HGF: variants seen among roughly 807,000 people sequenced by gnomAD.
The protein encoded by HGF is hepatocyte growth factor, also known as fibroblast-derived tumor cytotoxic factor.
Under a neutral mutation model 111.6 loss-of-function variants are expected in HGF, and 39 were observed. The ratio of observed to expected loss-of-function variants is 0.35; its 90% CI spans 0.27 to 0.46. The LOEUF (loss-of-function observed/expected upper bound fraction) is 0.46. HGF is among the 20% of genes least tolerant of loss of function. HGF has a pLI of 1.00. For missense variants in HGF, 735 were observed against 910.5 expected (o/e 0.81, Z 2.48); for synonymous variants, 285 against 294.8 (o/e 0.97, Z 0.34).
intron 14 of HGF, among the ~76,000 whole-genome samples, chr7:81,706,935 A>G (rs5745747): frequency 2.0e-5 from 3 of 151,792 alleles, no homozygotes; most frequent in African/African-American, 7.3e-5. Context: ...TACAGGAGAA[A>G]GAAGTAGTGA....
chr7:81,704,998 C>T (rs999559647), intron 17 of HGF, among the ~76,000 whole-genome samples: 3 of 151,786 alleles, frequency 2.0e-5, no homozygotes, highest in African/African-American at 7.2e-5. Flanking sequence ...TAAAGCCAGG[C>T]ATCTCTGAAT....
At chr7:81,749,485 G>A (rs1788405084) in intron 5 of HGF, among the ~76,000 whole-genome samples, 1 of 152,082 alleles carries the variant, frequency 6.6e-6, no homozygotes, top group Non-Finnish European at 1.5e-5. Context: ...TACATATTAT[G>A]TACGACATGA....
rs1402245957 is a variant in HGF at position 81,699,320 on chromosome 7, G to A, written c.*3261C>T. Reference sequence around the variant, plus strand: ...GGTCCAAAAAATTTTAACTTTTTTTGTATTAGTAAATTCTTAGCTCCAACC... The same window carrying A: ...GGTCCAAAAAATTTTAACTTTTTTTATATTAGTAAATTCTTAGCTCCAACC... On this transcript the variant is annotated 3_prime_UTR_variant, in exon 18 of 18. Coordinates refer to ENST00000222390, the MANE Select transcript of HGF (RefSeq NM_000601.6). The A allele has an allele frequency of 2.0e-5, 3 of 151,332 alleles. No individual in the cohort carries two copies. Among genetic ancestry groups the A allele is most frequent in the Non-Finnish European group, 4.4e-5 (3 of 67,576 alleles). 9.4% of individuals were successfully genotyped at this position (151,332 alleles called of 1,614,324 possible).
intron 7 of HGF, among the ~76,000 whole-genome samples, chr7:81,732,658 A>T (rs748318018): frequency 7.2e-5 from 11 of 152,174 alleles, no homozygotes; most frequent in Non-Finnish European, 1.5e-4. Flanking sequence ...AGTAAGGTAG[A>T]CATAGGTTAT....
At chr7:81,762,157 C>T (rs1789118721) in intron 2 of HGF, among the ~76,000 whole-genome samples, 1 of 152,176 alleles carries the variant, frequency 6.6e-6, no homozygotes, top group Admixed American at 6.5e-5. Flanking sequence ...CCTCATGCCT[C>T]TTTAAATTGC....
intron 4 of HGF, chr7:81,756,789 T>TGTTGAGATCCACCAAG (rs1172921289): frequency 4.5e-6 from 1 of 220,628 alleles, no homozygotes; most frequent in Non-Finnish European, 9.1e-6. Context: ...GTGCAACCAA[T>TGTTGAGATCCACCAAG]GTTGAGATCC....
intron 4 of HGF, among the ~76,000 whole-genome samples, chr7:81,754,911 T>C (rs192145723): frequency 3.6e-4 from 55 of 152,232 alleles, no homozygotes; most frequent in Admixed American, 2.7e-3. Context: ...TTTATTCATA[T>C]ATACACTATT....
At chr7:81,754,072 C>A (rs1043781838) in intron 4 of HGF, among the ~76,000 whole-genome samples, 1 of 151,880 alleles carries the variant, frequency 6.6e-6, no homozygotes, top group Non-Finnish European at 1.5e-5. Flanking sequence ...CTATAGCTCT[C>A]TTTTATGGAA....
At chr7:81,712,159 C>T (rs1261320750) in intron 11 of HGF, among the ~76,000 whole-genome samples, 2 of 152,034 alleles carry the variant, frequency 1.3e-5, no homozygotes, top group Admixed American at 1.3e-4. Flanking sequence ...GGAGCTGCCT[C>T]GATCCACCAA....
At chr7:81,767,380 T>C (rs1357364905) in intron 1 of HGF, among the ~76,000 whole-genome samples, 1 of 152,078 alleles carries the variant, frequency 6.6e-6, no homozygotes, top group African/African-American at 2.4e-5. Context: ...AGAAATAAGA[T>C]AACTGAGGTC....
chr7:81,737,356 C>A (rs6949814), intron 7 of HGF, among the ~76,000 whole-genome samples: 2 of 151,972 alleles, frequency 1.3e-5, no homozygotes, highest in African/African-American at 4.8e-5. Context: ...ATTGGAGTAG[C>A]TCATAGGTAA....
chr7:81,701,463 G>T lies in HGF; in HGVS notation c.*1118C>A, dbSNP rs1289348106. 1 of 151,432 alleles carries T rather than the reference G, an allele frequency of 6.6e-6. No individual in the cohort carries two copies. Among genetic ancestry groups the T allele is most frequent in the African/African-American group, 2.4e-5 (1 of 41,336 alleles). 9.4% of individuals were successfully genotyped at this position (151,432 alleles called of 1,614,324 possible). On this transcript the variant is annotated 3_prime_UTR_variant, in exon 18 of 18. Transcript: ENST00000222390. ...TGAAGGGTATTTATAAAACTTTGGA[G>T]ACTTGGAAATTTTCCTCTTAAATTT...
Position 81,744,129 on chromosome 7 carries a change from G to C in HGF, c.747-658C>G, listed in dbSNP as rs560255604. On this transcript the variant is annotated intron_variant, in intron 6 of 17. Transcript: ENST00000222390. The stretch of plus-strand genomic sequence containing the variant: ...AAATAACACCAAACAAAAAAGAATA[G>C]AGAAAAAGAACAAAGAAAAAACACC... Among the ~76,000 whole-genome samples the C allele has an allele frequency of 2.8e-4, 42 of 152,172 alleles. 1 individual carries two copies. Among genetic ancestry groups the C allele is most frequent in the Non-Finnish European group, 7.4e-5 (5 of 67,998 alleles).
chr7:81,730,973 A>C (rs1327084097), intron 7 of HGF, among the ~76,000 whole-genome samples: 3 of 152,210 alleles, frequency 2.0e-5, no homozygotes, highest in Admixed American at 2.0e-4. Flanking sequence ...GCTTTCAGTG[A>C]CTAGGGATGC....
intron 4 of HGF, chr7:81,755,325 TAA>T (rs1226665288): frequency 6.6e-6 from 1 of 152,120 alleles, no homozygotes; most frequent in African/African-American, 2.4e-5. Flanking sequence ...AGTCAACACT[TAA>T]AAGTGTTAAA....
At chr7:81,748,147 T>C (rs79604250) in intron 5 of HGF, among the ~76,000 whole-genome samples, 1,767 of 152,324 alleles carry the variant, frequency 0.012, 32 homozygotes, top group African/African-American at 0.038. Context: ...TTTTGTTTTA[T>C]ATATTTTAAC....
chr7:81,742,314 T>C (rs1788039910), intron 7 of HGF, among the ~76,000 whole-genome samples: 1 of 152,180 alleles, frequency 6.6e-6, no homozygotes, highest in Non-Finnish European at 1.5e-5. Context: ...GTGGATAATA[T>C]TCAGTTAGGT....
At chr7:81,703,522 T>TA (rs952193413) in intron 17 of HGF, among the ~76,000 whole-genome samples, 3 of 150,090 alleles carry the variant, frequency 2.0e-5, no homozygotes, top group Non-Finnish European at 4.4e-5. Flanking sequence ...GTTGTGTATA[T>TA]ATACATGCAT....
intron 1 of HGF, among the ~76,000 whole-genome samples, chr7:81,767,276 T>G (rs898421741): frequency 6.6e-6 from 1 of 151,574 alleles, no homozygotes; most frequent in Admixed American, 6.6e-5. Context: ...TGCTGCTCGC[T>G]TCAATATAAA....
Sources: gnomAD v4.1 joint callset for allele counts (sites outside exome capture counted in the v4.1 genomes callset) on GRCh38, gnomAD v4.1.1 for gene constraint, MANE v1.5 for transcripts, NCBI Gene and HGNC (gene_info 2026-07-23, HGNC 2026-07-21) for gene names.